Variants in AGBL1 observed in about 807,000 individuals in gnomAD.
AGBL1 encodes AGBL carboxypeptidase 1, also known as cytosolic carboxypeptidase 4.
Under a neutral mutation model 118.9 loss-of-function variants are expected in AGBL1, and 130 were observed. The ratio of observed to expected loss-of-function variants is 1.09; its 90% CI spans 0.95 to 1.26. The LOEUF (loss-of-function observed/expected upper bound fraction) is 1.26. Among genes scored for constraint, AGBL1 ranks in the 50% most tolerant of loss-of-function variants. AGBL1 has a pLI of 0.00. For missense variants in AGBL1, 1,584 were observed against 1,298.1 expected (o/e 1.22, Z -3.38); for synonymous variants, 555 against 478.9 (o/e 1.16, Z -2.08).
chr15:86,431,245 G>A (rs1413701315), intron 18 of AGBL1, among the ~76,000 whole-genome samples: 1 of 152,228 alleles, frequency 6.6e-6, no homozygotes, highest in East Asian at 1.9e-4. Context: ...TTCAGTGTCA[G>A]TTTCAGTACT....
chr15:86,348,554 C>T (rs923950951), intron 17 of AGBL1, among the ~76,000 whole-genome samples: 11 of 152,004 alleles, frequency 7.2e-5, no homozygotes, highest in African/African-American at 2.4e-4. Context: ...CTGAGGCGGG[C>T]GGATCATGAG....
intron 21 of AGBL1, among the ~76,000 whole-genome samples, chr15:86,563,707 G>A (rs962807489): frequency 2.6e-5 from 4 of 151,982 alleles, no homozygotes; most frequent in African/African-American, 9.7e-5. Flanking sequence ...TGTCTTGTTG[G>A]TCTGTCTAAT....
chr15:86,237,157 C>G (rs1193022367), intron 6 of AGBL1, among the ~76,000 whole-genome samples: 1 of 152,332 alleles, frequency 6.6e-6, no homozygotes, highest in South Asian at 2.1e-4. Context: ...CCCAAGGACC[C>G]TCTTTCCTCT....
chr15:86,187,325 A>T (rs16949164), intron 5 of AGBL1, among the ~76,000 whole-genome samples: 17,721 of 152,202 alleles, frequency 0.12, 1,279 homozygotes, highest in East Asian at 0.24. Context: ...AACACAGATA[A>T]GAGCCGCCTT....
intron 21 of AGBL1, among the ~76,000 whole-genome samples, chr15:86,555,848 T>A (rs2083726324): frequency 6.6e-6 from 1 of 152,180 alleles, no homozygotes; most frequent in African/African-American, 2.4e-5. Flanking sequence ...TGAATATACT[T>A]GGAGGTTATA....
chr15:86,570,878 T>C (rs1276815927), intron 21 of AGBL1, among the ~76,000 whole-genome samples: 2 of 152,170 alleles, frequency 1.3e-5, no homozygotes. Flanking sequence ...TGGACTTGGC[T>C]CATGCTACTG....
At chr15:86,963,463 T>C (rs12324213) in intron 23 of AGBL1, among the ~76,000 whole-genome samples, 2 of 152,014 alleles carry the variant, frequency 1.3e-5, no homozygotes, top group Non-Finnish European at 2.9e-5. Flanking sequence ...ACATAAACTT[T>C]CCAATCAAAG....
chr15:86,926,393 A>AG (rs1381269074), intron 23 of AGBL1, among the ~76,000 whole-genome samples: 4 of 152,316 alleles, frequency 2.6e-5, no homozygotes, highest in South Asian at 2.1e-4. Context: ...GGTGCTAGCC[A>AG]GTCACAATGA....
At chr15:86,580,350 T>C (rs974776256) in intron 21 of AGBL1, among the ~76,000 whole-genome samples, 1 of 152,106 alleles carries the variant, frequency 6.6e-6, no homozygotes, top group Admixed American at 6.5e-5. Context: ...AAAAAGGGAG[T>C]CTGAGTCAAC....
intron 22 of AGBL1, among the ~76,000 whole-genome samples, chr15:86,719,969 A>G (rs528416353): frequency 2.6e-5 from 4 of 152,126 alleles, no homozygotes; most frequent in Non-Finnish European, 4.4e-5. Context: ...ATTTTTCCCT[A>G]GCTTTCTCAT....
chr15:86,295,100 A>G (rs1029782417), intron 16 of AGBL1, among the ~76,000 whole-genome samples, 155 bp from the exon 17 acceptor site: 2 of 152,226 alleles, frequency 1.3e-5, no homozygotes, highest in Non-Finnish European at 2.9e-5. Flanking sequence ...ACACAGTAGA[A>G]ATAGCCCCCT....
chr15:86,571,754 T>C (rs1314546007), intron 21 of AGBL1, among the ~76,000 whole-genome samples: 1 of 152,170 alleles, frequency 6.6e-6, no homozygotes, highest in Non-Finnish European at 1.5e-5. Context: ...TGAGCAGCCA[T>C]GGGTGGGCCC....
At chr15:86,784,969 G>C (rs1333127170) in intron 22 of AGBL1, among the ~76,000 whole-genome samples, 2 of 152,100 alleles carry the variant, frequency 1.3e-5, no homozygotes, top group Non-Finnish European at 2.9e-5. Flanking sequence ...TTTCTCAAGT[G>C]CCTTTTCAAG....
intron 1 of AGBL1, among the ~76,000 whole-genome samples, chr15:86,110,960 C>T (rs1438563523): frequency 2.0e-5 from 3 of 152,218 alleles, no homozygotes; most frequent in Non-Finnish European, 1.5e-5. Flanking sequence ...CTGTGCCACC[C>T]AGTATTGCTA....
intron 17 of AGBL1, among the ~76,000 whole-genome samples, chr15:86,381,887 T>C (rs12904197): frequency 0.13 from 19,744 of 152,128 alleles, 1,956 homozygotes; most frequent in African/African-American, 0.27. Flanking sequence ...ATGAAGGGCC[T>C]TGTGCCTCAA....
intron 18 of AGBL1, among the ~76,000 whole-genome samples, chr15:86,485,360 A>G (rs768480769): frequency 2.0e-5 from 3 of 151,626 alleles, no homozygotes; most frequent in Non-Finnish European, 4.4e-5. Context: ...AGTTCCACCC[A>G]TGATTTTTCA....
intron 22 of AGBL1, among the ~76,000 whole-genome samples, chr15:86,767,293 A>G (rs1414998641): frequency 6.6e-6 from 1 of 151,970 alleles, no homozygotes; most frequent in African/African-American, 2.4e-5. Context: ...TGTTCATGGC[A>G]CCAGGGACAG....
chr15:86,864,116 C>T (rs2079594661), intron 22 of AGBL1, among the ~76,000 whole-genome samples: 1 of 152,142 alleles, frequency 6.6e-6, no homozygotes, highest in Non-Finnish European at 1.5e-5. Context: ...CAAAACACCT[C>T]TGAAATAGCT....
intron 23 of AGBL1, among the ~76,000 whole-genome samples, chr15:86,923,999 A>G (rs933155856): frequency 3.9e-5 from 6 of 152,246 alleles, no homozygotes; most frequent in African/African-American, 1.2e-4. Flanking sequence ...CATAGCATAT[A>G]TACATACAAA....
Sources: allele counts gnomAD v4.1 joint callset (sites outside exome capture counted in the v4.1 genomes callset), GRCh38; gene constraint gnomAD v4.1.1; transcripts MANE v1.5; gene names NCBI Gene and HGNC (gene_info 2026-07-23, HGNC 2026-07-21).